Variants in PTPRM observed in about 807,000 individuals in gnomAD.
PTPRM encodes protein tyrosine phosphatase receptor type M.
PTPRM carries 47 observed loss-of-function variants against 186.7 expected under a neutral mutation model. The ratio of observed to expected loss-of-function variants is 0.25; its 90% CI spans 0.20 to 0.32. The LOEUF is 0.32. Among genes scored for constraint, PTPRM ranks in the 10% least tolerant of loss-of-function variants. The pLI is 1.00. For missense variants in PTPRM, 1,494 were observed against 1,865.0 expected (o/e 0.80, Z 3.66); for synonymous variants, 668 against 674.9 (o/e 0.99, Z 0.16).
intron 14 of PTPRM, among the ~76,000 whole-genome samples, chr18:8,191,085 T>G (rs1040515350): frequency 1.3e-5 from 2 of 152,046 alleles, no homozygotes; most frequent in African/African-American, 4.8e-5. Flanking sequence ...GTTGGAGGAA[T>G]GGGGATGGGC....
intron 9 of PTPRM, among the ~76,000 whole-genome samples, chr18:8,077,978 A>T (rs1158907167): frequency 6.6e-6 from 1 of 152,226 alleles, no homozygotes; most frequent in African/African-American, 2.4e-5. Flanking sequence ...CCAGTTGAAC[A>T]CTGATCTAAA....
At chr18:8,177,284 C>T (rs546440665) in intron 14 of PTPRM, among the ~76,000 whole-genome samples, 1 of 152,250 alleles carries the variant, frequency 6.6e-6, no homozygotes, top group East Asian at 1.9e-4. Context: ...TTTATTCATT[C>T]AACACATTTT....
intron 7 of PTPRM, among the ~76,000 whole-genome samples, chr18:7,984,598 T>TACACACAC (rs1426131645): frequency 2.6e-5 from 3 of 115,114 alleles, no homozygotes; most frequent in African/African-American, 1.1e-4. Flanking sequence ...TATATATATA[T>TACACACAC]ATATACACAC....
At position 8,406,278 on chromosome 18, in the gene PTPRM, G is replaced by A; in HGVS notation, c.*116G>A. The A allele has an allele frequency of 9.6e-7, 1 of 1,041,916 alleles. No individual in the cohort carries two copies. Among genetic ancestry groups the A allele is most frequent in the Non-Finnish European group, 1.4e-6 (1 of 705,108 alleles). The allele number at this position is 1,041,916 out of a possible 1,614,324, so 64.5% of individuals were successfully genotyped here. On this transcript the variant is annotated 3_prime_UTR_variant, in exon 33 of 33. Transcript: ENST00000580170. ...TATGCTTATTTTGCTTTGCATAATTGGCTCTTTTTAAGAGCCCAAGAAAGT... is the reference window on the plus strand; with the variant it reads ...TATGCTTATTTTGCTTTGCATAATTAGCTCTTTTTAAGAGCCCAAGAAAGT...
chr18:8,194,442 C>T (rs142713657), intron 14 of PTPRM, among the ~76,000 whole-genome samples: 22 of 152,294 alleles, frequency 1.4e-4, no homozygotes, highest in African/African-American at 4.1e-4. Flanking sequence ...AAAGTGACGG[C>T]GGTGGAAAGT....
In PTPRM at chr18:7,678,329, A is replaced by C. The variant is rs367661362; in HGVS notation, c.74-95820A>C. On this transcript the variant is annotated intron_variant, in intron 1 of 32. Coordinates refer to ENST00000580170, the MANE Select transcript of PTPRM (RefSeq NM_001105244.2). ...ATTTCTCCAGCTAATGTTTCAAAGC[A>C]CCCTCTTCCATTCTTAAAAGTTTCC... 5.9e-5 allele frequency among the ~76,000 whole-genome samples: 9 copies of C among 152,200 alleles called. No homozygotes were observed. In the East Asian group the frequency reaches 1.4e-3, roughly 23 times the overall value.
chr18:8,125,994 T>TTTTTTTTTTTTTTTTTTTAA (rs2092332225), intron 13 of PTPRM, among the ~76,000 whole-genome samples: 3 of 11,664 alleles, frequency 2.6e-4, no homozygotes, highest in African/African-American at 4.8e-4. Flanking sequence ...TATATATATA[T>TTTTTTTTTTTTTTTTTTTAA]ATATATATAT....
intron 23 of PTPRM, among the ~76,000 whole-genome samples, chr18:8,355,428 T>C (rs2095558355): frequency 6.6e-6 from 1 of 152,082 alleles, no homozygotes; most frequent in Non-Finnish European, 1.5e-5. Flanking sequence ...GCTGCAGGGA[T>C]TCAGTATGAA....
intron 2 of PTPRM, among the ~76,000 whole-genome samples, chr18:7,868,456 C>T (rs2047823173): frequency 6.6e-6 from 1 of 152,220 alleles, no homozygotes; most frequent in African/African-American, 2.4e-5. Flanking sequence ...TCGGACCCCT[C>T]TGCTGCAGGT....
intron 2 of PTPRM, among the ~76,000 whole-genome samples, chr18:7,872,297 A>G (rs940230211): frequency 5.9e-5 from 9 of 152,192 alleles, no homozygotes; most frequent in African/African-American, 1.7e-4. Context: ...ATTGTAACTC[A>G]AGATATCCCA....
intron 10 of PTPRM, among the ~76,000 whole-genome samples, chr18:8,087,587 A>G (rs536928554): frequency 3.3e-5 from 5 of 152,224 alleles, no homozygotes; most frequent in African/African-American, 1.2e-4. Context: ...TGATTTTTAT[A>G]GTCTTAAAAC....
intron 9 of PTPRM, among the ~76,000 whole-genome samples, chr18:8,081,929 G>A (rs536112181): frequency 6.6e-6 from 1 of 152,142 alleles, no homozygotes. Context: ...AAAGGGCTAT[G>A]ACTGGAAGCC....
intron 1 of PTPRM, among the ~76,000 whole-genome samples, chr18:7,648,236 A>G (rs930095709): frequency 1.3e-5 from 2 of 152,160 alleles, no homozygotes; most frequent in Admixed American, 6.5e-5. Context: ...CTTAATTGAT[A>G]AATGTGTGCT....
chr18:8,310,808 CA>C (rs1426702421), intron 20 of PTPRM, among the ~76,000 whole-genome samples: 2 of 152,186 alleles, frequency 1.3e-5, no homozygotes, highest in African/African-American at 4.8e-5. Flanking sequence ...ATATCCCCAA[CA>C]CTTAGCATAG....
intron 14 of PTPRM, among the ~76,000 whole-genome samples, chr18:8,208,530 T>A (rs1460914069): frequency 1.3e-5 from 2 of 151,666 alleles, no homozygotes; most frequent in South Asian, 2.1e-4. Flanking sequence ...TTTTTTTTTT[T>A]AAACAGGGTC....
intron 1 of PTPRM, among the ~76,000 whole-genome samples, chr18:7,605,547 T>C (rs916760285): frequency 4.6e-5 from 7 of 152,154 alleles, no homozygotes; most frequent in African/African-American, 1.4e-4. Context: ...AAGGTGAAAA[T>C]GAGCTCGTCT....
chr18:8,218,077 A>G (rs2094111055), intron 14 of PTPRM, among the ~76,000 whole-genome samples: 1 of 152,192 alleles, frequency 6.6e-6, no homozygotes, highest in African/African-American at 2.4e-5. Context: ...CTGACAGCAG[A>G]AATTAGATTG....
intron 1 of PTPRM, among the ~76,000 whole-genome samples, chr18:7,724,592 A>G (rs1195455307): frequency 6.6e-6 from 1 of 152,240 alleles, no homozygotes; most frequent in African/African-American, 2.4e-5. Context: ...TTCAGAATCT[A>G]GCTGTGAACC....
chr18:8,291,893 C>T (rs369115012), intron 19 of PTPRM, among the ~76,000 whole-genome samples: 3 of 151,204 alleles, frequency 2.0e-5, no homozygotes, highest in East Asian at 1.9e-4. Flanking sequence ...CTCACAGGGT[C>T]GTTAAGAGAA....
Sources: allele counts gnomAD v4.1 joint callset (sites outside exome capture counted in the v4.1 genomes callset), GRCh38; gene constraint gnomAD v4.1.1; transcripts MANE v1.5; gene names NCBI Gene and HGNC (gene_info 2026-07-23, HGNC 2026-07-21).